The following POM121 variants were observed in gnomAD, a reference collection of about 807,000 sequenced individuals.
POM121 encodes POM121 transmembrane nucleoporin, also known as nuclear envelope pore membrane protein POM 121.
In POM121, 32 loss-of-function variants were observed where a neutral mutation model predicts 81.3. That is an observed-to-expected ratio of 0.39 (90% confidence interval 0.30 to 0.53). The LOEUF (loss-of-function observed/expected upper bound fraction) is 0.53. Ranked by LOEUF, POM121 falls within the 20% of genes least tolerant of loss-of-function variation. The pLI is 0.66. For missense variants in POM121, 1,138 were observed against 1,614.6 expected, an observed-to-expected ratio of 0.70 and a Z score of 5.06; for synonymous variants, 514 against 694.2, an observed-to-expected ratio of 0.74 and a Z score of 4.08.
At position 72,946,714 on chromosome 7, in the gene POM121, G is replaced by C; in HGVS notation, c.*480G>C. 1 of 968,152 alleles carries C rather than the reference G, an allele frequency of 1.0e-6. No homozygotes were observed. 60.0% of individuals were successfully genotyped at this position (968,152 alleles called of 1,614,324 possible). A position where few individuals can be genotyped will look rare whatever the true frequency, so the allele number is the denominator to read the frequency against. Reference sequence around the variant, plus strand: ...CTGTGAGAAGTGGTTCTCTTCCTCTGGTCCCTTCTGGGGACTCTGTTTCCC... The same window carrying C: ...CTGTGAGAAGTGGTTCTCTTCCTCTCGTCCCTTCTGGGGACTCTGTTTCCC... On this transcript the variant is annotated 3_prime_UTR_variant, in exon 13 of 13. Transcript: ENST00000434423.
At chr7:72,922,394 CTTTT>C, upstream of POM121, among the ~76,000 whole-genome samples, 1 of 151,760 alleles carries the variant, frequency 6.6e-6, no homozygotes, top group Non-Finnish European at 1.5e-5. Context: ...GAAGTATTAA[CTTTT>C]TTTGGGGGGA....
rs1205903644 is a variant in POM121 at position 72,894,481 on chromosome 7, GGCAGGAGAATC to G, written c.-216+3374_-216+3384del. Reference sequence around the variant, plus strand: ...TAATCCCAGCTAGTCAGGAGGCTGAGGCAGGAGAATCGCTTGAACCTGGGAGGCGGAGGTTG... The same window carrying G: ...TAATCCCAGCTAGTCAGGAGGCTGAGGCTTGAACCTGGGAGGCGGAGGTTG... On this transcript the variant is annotated intron_variant, in intron 3 of 15. Transcript: ENST00000395270. 8.2e-4 allele frequency among the ~76,000 whole-genome samples: 124 copies of G among 152,110 alleles called. 1 individual carries two copies. Among genetic ancestry groups the G allele is most frequent in the African/African-American group, 2.7e-3 (113 of 41,486 alleles).
At chr7:72,896,186 A>ATAT (rs1267361253) in intron 3 of POM121, among the ~76,000 whole-genome samples, 10 of 151,108 alleles carry the variant, frequency 6.6e-5, no homozygotes, top group African/African-American at 2.2e-4. Context: ...CCAGTTTAAA[A>ATAT]ATATATATAT....
chr7:72,939,223 A>C, intron 6 of POM121, 113 bp from the exon 7 acceptor site: 1 of 1,418,582 alleles, frequency 7.0e-7, no homozygotes, highest in East Asian at 2.4e-5. Context: ...TGAGATCTTA[A>C]ATGATGGTTG....
rs1395319927 is a variant in POM121 at position 72,945,569 on chromosome 7, T to C, written c.3530-17T>C. The C allele has an allele frequency of 4.3e-6, 7 of 1,612,940 alleles. No individual in the cohort carries two copies. In the African/African-American group the frequency reaches 9.3e-5, roughly 22 times the overall value. The stretch of plus-strand genomic sequence containing the variant: ...GCCCTCTGCTCACTGGCCAGCTCTC[T>C]GTTCTCTTCATTCCAGGCACCGCCA... On this transcript the variant is annotated splice_polypyrimidine_tract_variant and intron_variant, in intron 11 of 12. Transcript: ENST00000434423.
At chr7:72,925,043 G>A (rs1795216779), upstream of POM121, 2 of 1,348,910 alleles carry the variant, frequency 1.5e-6, no homozygotes, top group Non-Finnish European at 1.9e-6. Context: ...CGCGCATGAC[G>A]TAGAGGGCGC....
intron 3 of POM121, among the ~76,000 whole-genome samples, chr7:72,904,494 C>G (rs192993955): frequency 3.3e-5 from 5 of 152,162 alleles, no homozygotes; most frequent in East Asian, 1.9e-4. Context: ...TGGCAGCCCT[C>G]GGGCAGCTGA....
At chr7:72,902,445 C>T (rs1415676051) in intron 3 of POM121, among the ~76,000 whole-genome samples, 1 of 151,302 alleles carries the variant, frequency 6.6e-6, no homozygotes, top group African/African-American at 2.4e-5. Flanking sequence ...GTATACTTTT[C>T]AGCTTCAGAC....
chr7:72,949,294 C>T (rs782221579), downstream of POM121: 17 of 829,242 alleles, frequency 2.1e-5, 1 homozygote, highest in East Asian at 1.2e-4. Flanking sequence ...CCCTCAGCCA[C>T]GCCTTCTCAC....
At chr7:72,931,415 A>T (rs1456333042) in intron 5 of POM121, among the ~76,000 whole-genome samples, 17 of 152,288 alleles carry the variant, frequency 1.1e-4, no homozygotes, top group African/African-American at 4.1e-4. Context: ...GATAAGATAG[A>T]CAGATCCTCT....
intron 1 of POM121, among the ~76,000 whole-genome samples, chr7:72,889,699 C>T (rs188503717): frequency 6.6e-6 from 1 of 152,286 alleles, no homozygotes; most frequent in Admixed American, 6.5e-5. Flanking sequence ...TTATTTTTAG[C>T]AGAGATAAGG....
chr7:72,879,997 A>G (rs1255764324), intron 1 of POM121: 2 of 381,628 alleles, frequency 5.2e-6, no homozygotes, highest in African/African-American at 4.3e-5. Context: ...TGCCGGAGAG[A>G]CATGTGTTGG....
At chr7:72,909,786 CAG>C (rs1793628460) in intron 3 of POM121, among the ~76,000 whole-genome samples, 1 of 152,142 alleles carries the variant, frequency 6.6e-6, no homozygotes. Context: ...TAGCTGGGAC[CAG>C]CGGTACACAC....
chr7:72,924,472 G>C (rs1554496623), upstream of POM121: 2 of 152,124 alleles, frequency 1.3e-5, no homozygotes, highest in Non-Finnish European at 2.9e-5. Context: ...AAATCATAGG[G>C]TGGTGCAATC....
chr7:72,936,789 A>G (rs554149365), intron 5 of POM121, among the ~76,000 whole-genome samples: 1 of 152,190 alleles, frequency 6.6e-6, no homozygotes, highest in South Asian at 2.1e-4. Flanking sequence ...AGAAAAATGC[A>G]AGGTTTATGG....
downstream of POM121, chr7:72,950,250 C>A: frequency 6.5e-7 from 1 of 1,549,688 alleles, no homozygotes; most frequent in African/African-American, 1.4e-5. Flanking sequence ...CCTGCCAGGC[C>A]CTATTTCAAC....
At chr7:72,909,899 G>A (rs535760506) in intron 3 of POM121, among the ~76,000 whole-genome samples, 71 of 152,184 alleles carry the variant, frequency 4.7e-4, no homozygotes, top group African/African-American at 1.6e-3. Context: ...CTCCCATCTC[G>A]GCCTCCCACA....
chr7:72,948,836 G>C, downstream of POM121: 1 of 1,551,018 alleles, frequency 6.4e-7, no homozygotes, highest in Non-Finnish European at 8.9e-7. Flanking sequence ...CCAATGCTGG[G>C]TAAGAGAGCA....
chr7:72,943,865 C>T (rs1797391300), intron 11 of POM121, among the ~76,000 whole-genome samples: 1 of 152,246 alleles, frequency 6.6e-6, no homozygotes, highest in Non-Finnish European at 1.5e-5. Flanking sequence ...TGGCGAAACC[C>T]TGTCTCTACT....
Sources: gnomAD v4.1 joint callset for allele counts (sites outside exome capture counted in the v4.1 genomes callset) on GRCh38, gnomAD v4.1.1 for gene constraint, MANE v1.5 for transcripts, NCBI Gene and HGNC (gene_info 2026-07-23, HGNC 2026-07-21) for gene names.